TMPRSS15: variants seen among roughly 807,000 people sequenced by gnomAD.
TMPRSS15 encodes the protein enteropeptidase.
In TMPRSS15, 128 loss-of-function variants were observed where a neutral mutation model predicts 125.3. That is an observed-to-expected ratio of 1.02 (90% CI 0.89 to 1.18). The LOEUF (loss-of-function observed/expected upper bound fraction) is 1.18. Among genes scored for constraint, TMPRSS15 ranks in the 50% most tolerant of loss-of-function variants. The pLI is 0.00. For missense variants in TMPRSS15, 1,283 were observed against 1,212.7 expected (o/e 1.06, Z -0.86); for synonymous variants, 446 against 423.2 (o/e 1.05, Z -0.66).
intron 18 of TMPRSS15, among the ~76,000 whole-genome samples, chr21:18,310,891 T>C (rs1222909116): frequency 6.7e-6 from 1 of 148,294 alleles, no homozygotes; most frequent in Non-Finnish European, 1.5e-5. Flanking sequence ...GAGAACAAGA[T>C]AGAGAACCCT....
intron 16 of TMPRSS15, among the ~76,000 whole-genome samples, chr21:18,320,239 A>G (rs2075220383): frequency 6.6e-6 from 1 of 152,026 alleles, no homozygotes; most frequent in Non-Finnish European, 1.5e-5. Context: ...TCTGTCTTAA[A>G]TATATATTTT....
intron 14 of TMPRSS15, 128 bp downstream of exon 14, chr21:18,331,956 A>G (rs369746714): frequency 1.1e-4 from 87 of 768,200 alleles, no homozygotes; most frequent in African/African-American, 1.0e-3. Flanking sequence ...ATATTAAGCA[A>G]TCTTATAGGT....
intron 1 of TMPRSS15, among the ~76,000 whole-genome samples, chr21:18,466,939 A>G (rs1488259093): frequency 6.6e-6 from 1 of 152,138 alleles, no homozygotes; most frequent in Non-Finnish European, 1.5e-5. Context: ...AAATCATTCT[A>G]CTATAAAGAC....
intron 15 of TMPRSS15, among the ~76,000 whole-genome samples, chr21:18,327,068 G>T (rs2075299920): frequency 6.6e-6 from 1 of 152,090 alleles, no homozygotes; most frequent in Admixed American, 6.6e-5. Context: ...TAATCCCTCA[G>T]CTTTGGGGAT....
At chr21:18,315,742 T>C (rs71319683) in intron 16 of TMPRSS15, among the ~76,000 whole-genome samples, 327 of 94,826 alleles carry the variant, frequency 3.4e-3, no homozygotes, top group African/African-American at 0.011. Flanking sequence ...TGATACTGAG[T>C]AAATGACGAG....
intron 1 of TMPRSS15, among the ~76,000 whole-genome samples, chr21:18,485,203 G>GGTAAATACTTTTA (rs1979056295): frequency 6.6e-6 from 1 of 151,458 alleles, no homozygotes; most frequent in Non-Finnish European, 1.5e-5. Flanking sequence ...TTACATATTT[G>GGTAAATACTTTTA]CTTGTATCCA....
At chr21:18,287,224 T>A (rs73893052) in intron 21 of TMPRSS15, among the ~76,000 whole-genome samples, 3,665 of 152,238 alleles carry the variant, frequency 0.024, 152 homozygotes, top group African/African-American at 0.08. Context: ...GGATAAGTGC[T>A]CAGCAAATGT....
intron 1 of TMPRSS15, among the ~76,000 whole-genome samples, chr21:18,467,400 T>TATAATAATAATAATAATAATA (rs367778639): frequency 1.3e-5 from 2 of 150,252 alleles, no homozygotes; most frequent in Admixed American, 6.6e-5. Context: ...GAATGAAAAG[T>TATAATAATAATAATAATAATA]ATAATAATAA....
At chr21:18,332,733 C>T (rs949684930) in intron 13 of TMPRSS15, among the ~76,000 whole-genome samples, 6 of 152,180 alleles carry the variant, frequency 3.9e-5, no homozygotes, top group Non-Finnish European at 5.9e-5. Flanking sequence ...CCCAGCAATT[C>T]CGCTACTCGG....
intron 8 of TMPRSS15, among the ~76,000 whole-genome samples, chr21:18,359,133 G>T (rs1191261614): frequency 6.6e-6 from 1 of 152,008 alleles, no homozygotes; most frequent in Non-Finnish European, 1.5e-5. Flanking sequence ...ATAGATCTGT[G>T]CATTTTGGGG....
At chr21:18,483,017 C>G (rs1207601159) in intron 1 of TMPRSS15, among the ~76,000 whole-genome samples, 2 of 151,618 alleles carry the variant, frequency 1.3e-5, no homozygotes, top group East Asian at 1.9e-4. Context: ...AAGGCTTATT[C>G]TTTCCAAACA....
intron 6 of TMPRSS15, among the ~76,000 whole-genome samples, chr21:18,369,565 C>T (rs1410890519): frequency 6.6e-6 from 1 of 152,016 alleles, no homozygotes; most frequent in East Asian, 1.9e-4. Context: ...GAGGAAGTTG[C>T]ATGAGGAAGA....
At chr21:18,396,213 C>T (rs1228811171) in intron 3 of TMPRSS15, among the ~76,000 whole-genome samples, 3 of 152,174 alleles carry the variant, frequency 2.0e-5, no homozygotes, top group African/African-American at 7.2e-5. Flanking sequence ...TTTTCCATTG[C>T]ATCTTGAGCC....
chr21:18,369,858 AC>A (rs2075774254), intron 6 of TMPRSS15, among the ~76,000 whole-genome samples: 3 of 152,032 alleles, frequency 2.0e-5, no homozygotes, highest in Middle Eastern at 3.4e-3. Context: ...GAATAAAGCA[AC>A]TTGTACTCTT....
At chr21:18,303,152 A>C (rs1414012765) in intron 18 of TMPRSS15, among the ~76,000 whole-genome samples, 2 of 152,192 alleles carry the variant, frequency 1.3e-5, no homozygotes, top group African/African-American at 4.8e-5. Flanking sequence ...AATCTCAGAC[A>C]TAAGTGTTAG....
intron 16 of TMPRSS15, among the ~76,000 whole-genome samples, chr21:18,319,990 A>G (rs969907846): frequency 1.3e-5 from 2 of 152,200 alleles, no homozygotes; most frequent in African/African-American, 2.4e-5. Flanking sequence ...CCATGAGAAA[A>G]TCTGGTTACA....
intron 1 of TMPRSS15, among the ~76,000 whole-genome samples, chr21:18,483,221 T>C (rs972433124): frequency 2.6e-5 from 4 of 151,846 alleles, no homozygotes; most frequent in African/African-American, 9.7e-5. Context: ...TTAGTTTTGA[T>C]CAAAGCGCAC....
chr21:18,299,566 G>A (rs1246490093), intron 18 of TMPRSS15, among the ~76,000 whole-genome samples: 1 of 152,244 alleles, frequency 6.6e-6, no homozygotes, highest in Non-Finnish European at 1.5e-5. Context: ...TGCTGCCAGA[G>A]TAAAGTTGGT....
chr21:18,377,541 T>C (rs1435652258), intron 5 of TMPRSS15, among the ~76,000 whole-genome samples: 1 of 152,122 alleles, frequency 6.6e-6, no homozygotes, highest in Non-Finnish European at 1.5e-5. Context: ...AAATATATTT[T>C]AATCTCCTTT....
Sources: allele counts gnomAD v4.1 joint callset (sites outside exome capture counted in the v4.1 genomes callset), GRCh38; gene constraint gnomAD v4.1.1; transcripts MANE v1.5; gene names NCBI Gene and HGNC (gene_info 2026-07-23, HGNC 2026-07-21).